SUN5: variants seen among roughly 807,000 people sequenced by gnomAD.
SUN5 encodes SUN domain-containing protein 5.
A neutral mutation model predicts 53.7 loss-of-function variants in SUN5; 44 were observed. The ratio of observed to expected loss-of-function variants is 0.82; its 90% CI spans 0.64 to 1.05. The LOEUF (loss-of-function observed/expected upper bound fraction) is 1.05, where lower values mean the gene tolerates loss of function less well. Among genes scored for constraint, SUN5 ranks in the 50% least tolerant of loss-of-function variants. The pLI is 0.00. For synonymous variants in SUN5, 166 were observed against 179.8 expected (o/e 0.92, Z 0.62); for missense variants, 433 against 483.8 (o/e 0.90, Z 0.98).
chr20:32,989,695 T>C lies in SUN5; in HGVS notation c.538A>G (p.Lys180Glu). ...QEMEAMSDEQKMAQKIMKMIH... is the reference protein window; with the variant it reads ...QEMEAMSDEQEMAQKIMKMIH... ...ATCTTCATTATTTTCTGGGCCATTT[T>C]TTGCTGAAAAGGCAGAAAACACAAG... Residue 180 changes from lysine (K) to glutamate (E), a missense_variant, in exon 9 of 13, where the codon AAA (lysine) becomes GAA (glutamate). Transcript: ENST00000356173. 6.2e-7 allele frequency: 1 copy of C among 1,614,082 alleles called. No individual in the cohort carries two copies. The highest frequency in any genetic ancestry group is 8.5e-7 in the Non-Finnish European group (1 of 1,179,990).
rs775572724 is a variant in SUN5 at position 33,001,239 on chromosome 20, G to A, written c.251C>T (p.Ala84Val). 369 of 1,578,316 alleles carry A rather than the reference G, an allele frequency of 2.3e-4. No individual in the cohort carries two copies. The highest frequency in any genetic ancestry group is 3.1e-4 in the Non-Finnish European group (359 of 1,159,636). The change falls in exon 4 of 13, where the codon GCC becomes GTC. Residue 84 changes from alanine to valine, a missense_variant. By Grantham distance (64) the Ala-to-Val change is moderately conservative. Transcript: ENST00000356173. ...GCACGTGTTAAACAGAACCTGCTGG[G>A]CCTGAGTTCTCAGGGAGCAGGCAAA... ...TCFACSLRTQ[A>V]QQVLFNTCRC...
At chr20:32,993,872 G>A (rs914691054) in intron 8 of SUN5, among the ~76,000 whole-genome samples, 9 of 152,318 alleles carry the variant, frequency 5.9e-5, no homozygotes, top group East Asian at 5.8e-4. Flanking sequence ...GCCGTGGGCC[G>A]TACTTTGAGA....
intron 8 of SUN5, among the ~76,000 whole-genome samples, chr20:32,992,895 A>G (rs756737646): frequency 5.6e-4 from 86 of 152,228 alleles, no homozygotes; most frequent in Non-Finnish European, 9.7e-4. Context: ...TAAAAAAGAC[A>G]TATGACACCA....
intron 8 of SUN5, among the ~76,000 whole-genome samples, chr20:32,994,943 C>G (rs922197981): frequency 6.6e-6 from 1 of 150,778 alleles, no homozygotes; most frequent in Non-Finnish European, 1.5e-5. Context: ...ATTAGTAAAC[C>G]TGAAGAAAGG....
intron 1 of SUN5, 25 bp from the exon 2 acceptor site, chr20:33,002,944 G>A (rs369376320): frequency 2.9e-5 from 47 of 1,613,142 alleles, no homozygotes; most frequent in East Asian, 1.3e-4. Context: ...ATTCATAGTC[G>A]CATTTTACAA....
intron 2 of SUN5, 67 bp downstream of exon 2, chr20:33,002,794 T>A: frequency 1.2e-6 from 2 of 1,608,798 alleles, no homozygotes; most frequent in Non-Finnish European, 1.7e-6. Context: ...AGGTTGCCCG[T>A]TTGACATCCC....
At chr20:32,996,681 T>G (rs56252512) in intron 6 of SUN5, among the ~76,000 whole-genome samples, 16,280 of 140,856 alleles carry the variant, frequency 0.12, 1,527 homozygotes, top group African/African-American at 0.27. Flanking sequence ...CCCTAACCCA[T>G]CTACCCACTC....
intron 4 of SUN5, among the ~76,000 whole-genome samples, chr20:33,000,542 C>T (rs1989973606): frequency 6.6e-6 from 1 of 152,144 alleles, no homozygotes; most frequent in Admixed American, 6.5e-5. Context: ...TGGGGCAGGC[C>T]CTCCAGGCAG....
Position 33,002,665 on chromosome 20 carries a change from C to T in SUN5, c.137-4G>A. 2 of 1,614,236 alleles carry T rather than the reference C, an allele frequency of 1.2e-6. No individual in the cohort carries two copies. Among genetic ancestry groups the T allele is most frequent in the Non-Finnish European group, 1.7e-6 (2 of 1,180,040 alleles). ...ACAGGCAACAGGATGTTGTCATCTGCAGAGAGCACAGGACTGTCATGTCAC... is the reference window on the plus strand; with the variant it reads ...ACAGGCAACAGGATGTTGTCATCTGTAGAGAGCACAGGACTGTCATGTCAC... On this transcript the variant is annotated splice_polypyrimidine_tract_variant and splice_region_variant and intron_variant, in intron 2 of 12. Transcript: ENST00000356173.
intron 8 of SUN5, among the ~76,000 whole-genome samples, chr20:32,994,503 G>T (rs1346024913): frequency 1.3e-5 from 2 of 152,188 alleles, no homozygotes; most frequent in African/African-American, 4.8e-5. Context: ...TAAAGGAAAA[G>T]ATGGACAACA....
chr20:33,004,191 C>T, intron 1 of SUN5, 73 bp downstream of exon 1: 1 of 1,448,834 alleles, frequency 6.9e-7, no homozygotes, highest in Non-Finnish European at 9.2e-7. Context: ...CACTCATCTC[C>T]AAGGACAGGG....
intron 8 of SUN5, among the ~76,000 whole-genome samples, 190 bp downstream of exon 8, chr20:32,995,429 G>C (rs1400345027): frequency 6.6e-6 from 1 of 152,132 alleles, no homozygotes; most frequent in Non-Finnish European, 1.5e-5. Context: ...CAAGTACAAG[G>C]ATAGAAAAAG....
chr20:33,002,737 G>A, intron 2 of SUN5, 76 bp from the exon 3 acceptor site: 12 of 1,602,048 alleles, frequency 7.5e-6, no homozygotes, highest in East Asian at 2.2e-5. Context: ...GGAGCACCCA[G>A]AGCTTGGTGC....
At chr20:32,988,687 C>G (rs1396758773) in intron 9 of SUN5, among the ~76,000 whole-genome samples, 1 of 150,210 alleles carries the variant, frequency 6.7e-6, no homozygotes, top group African/African-American at 2.5e-5. Context: ...CCCCCAGGTT[C>G]AAACGATTCT....
intron 8 of SUN5, among the ~76,000 whole-genome samples, chr20:32,992,101 A>G (rs1487658585): frequency 6.6e-6 from 1 of 152,220 alleles, no homozygotes; most frequent in Non-Finnish European, 1.5e-5. Context: ...AAAAAGGCAC[A>G]ATGTGTCCCA....
chr20:32,996,537 T>G (rs1167818573), intron 6 of SUN5, among the ~76,000 whole-genome samples, 179 bp from the exon 7 acceptor site: 1 of 152,180 alleles, frequency 6.6e-6, no homozygotes, highest in East Asian at 1.9e-4. Flanking sequence ...CTGCCCTTTT[T>G]ATTCATCCTT....
intron 8 of SUN5, among the ~76,000 whole-genome samples, chr20:32,991,298 C>T (rs1009839990): frequency 6.6e-6 from 1 of 152,170 alleles, no homozygotes; most frequent in African/African-American, 2.4e-5. Flanking sequence ...TGAGTGCATG[C>T]CTTTGGATTC....
chr20:33,001,100 G>A (rs1989993445), intron 4 of SUN5, 112 bp downstream of exon 4: 3 of 1,263,446 alleles, frequency 2.4e-6, no homozygotes, highest in Non-Finnish European at 3.3e-6. Flanking sequence ...GTTTGGGATA[G>A]CTTTTCTGGT....
intron 3 of SUN5, 134 bp downstream of exon 3, chr20:33,002,453 G>A (rs1376706908): frequency 1.2e-6 from 1 of 812,390 alleles, no homozygotes; most frequent in Non-Finnish European, 2.1e-6. Context: ...GAACTCCAGA[G>A]TTCAACCTGC....
Sources: allele counts gnomAD v4.1 joint callset (sites outside exome capture counted in the v4.1 genomes callset), GRCh38; gene constraint gnomAD v4.1.1; transcripts MANE v1.5; gene names NCBI Gene and HGNC (gene_info 2026-07-23, HGNC 2026-07-21).